CSMD2: variants seen among roughly 807,000 people sequenced by gnomAD.
CSMD2 encodes the protein CUB and Sushi multiple domains 2, also known as CUB and sushi domain-containing protein 2.
A neutral mutation model predicts 398.5 loss-of-function variants in CSMD2; 130 were observed. That is an observed-to-expected ratio of 0.33 (90% confidence interval 0.28 to 0.38). The LOEUF is 0.38. CSMD2 is among the 10% of genes least tolerant of loss of function. CSMD2 has a pLI of 1.00. For missense variants in CSMD2, 3,829 were observed against 4,764.9 expected, an observed-to-expected ratio of 0.80 and a Z score of 5.78; for synonymous variants, 1,828 against 1,908.5, an observed-to-expected ratio of 0.96 and a Z score of 1.10.
At chr1:33,886,979 T>G (rs550632765) in intron 5 of CSMD2, among the ~76,000 whole-genome samples, 2 of 152,118 alleles carry the variant, frequency 1.3e-5, no homozygotes, top group Non-Finnish European at 2.9e-5. Context: ...TCAGAGGTTT[T>G]TTTTTTTAAA....
At chr1:33,774,971 C>A (rs1030053216) in intron 12 of CSMD2, among the ~76,000 whole-genome samples, 3 of 152,124 alleles carry the variant, frequency 2.0e-5, no homozygotes, top group African/African-American at 7.2e-5. Context: ...AAGAAATGAA[C>A]AGACAAGGAA....
At chr1:33,792,894 C>G (rs757628819) in intron 10 of CSMD2, among the ~76,000 whole-genome samples, 1 of 152,250 alleles carries the variant, frequency 6.6e-6, no homozygotes, top group Non-Finnish European at 1.5e-5. Flanking sequence ...TGTGGAATCT[C>G]AGCTCTCTTG....
At chr1:34,034,529 T>C (rs1650873030) in intron 2 of CSMD2, among the ~76,000 whole-genome samples, 1 of 152,186 alleles carries the variant, frequency 6.6e-6, no homozygotes, top group Non-Finnish European at 1.5e-5. Context: ...CAGATAGATA[T>C]AAATAAAAGC....
chr1:34,151,178 G>A (rs1222310293), intron 1 of CSMD2, among the ~76,000 whole-genome samples: 1 of 152,160 alleles, frequency 6.6e-6, no homozygotes, highest in Non-Finnish European at 1.5e-5. Flanking sequence ...TGCTGTGCTT[G>A]GAGCTCCTTT....
chr1:33,998,916 T>C (rs528510), intron 3 of CSMD2, among the ~76,000 whole-genome samples: 3,825 of 152,228 alleles, frequency 0.025, 156 homozygotes, highest in African/African-American at 0.086. Context: ...CCCAGAGAGT[T>C]GATCCTCAAC....
At chr1:34,047,757 A>C (rs1436925396) in intron 2 of CSMD2, among the ~76,000 whole-genome samples, 1 of 152,186 alleles carries the variant, frequency 6.6e-6, no homozygotes, top group Non-Finnish European at 1.5e-5. Flanking sequence ...CAATCATCCA[A>C]AGGGCATGGC....
At chr1:34,000,485 T>G (rs1646866488) in intron 3 of CSMD2, among the ~76,000 whole-genome samples, 1 of 152,074 alleles carries the variant, frequency 6.6e-6, no homozygotes, top group African/African-American at 2.4e-5. Context: ...AGAGGACAAA[T>G]GGACCACAAA....
At chr1:33,957,277 G>A (rs760902435) in intron 3 of CSMD2, among the ~76,000 whole-genome samples, 5 of 152,180 alleles carry the variant, frequency 3.3e-5, no homozygotes, top group Non-Finnish European at 7.3e-5. Flanking sequence ...CTGGCAGAGA[G>A]CCATTGCTCA....
At chr1:33,735,217 C>T (rs1349959059) in intron 15 of CSMD2, among the ~76,000 whole-genome samples, 4 of 152,194 alleles carry the variant, frequency 2.6e-5, no homozygotes, top group Admixed American at 1.3e-4. Context: ...CTGGCTCCAT[C>T]ATTTACAAGC....
At chr1:33,694,277 T>C (rs1645342824) in intron 24 of CSMD2, among the ~76,000 whole-genome samples, 1 of 152,176 alleles carries the variant, frequency 6.6e-6, no homozygotes, top group African/African-American at 2.4e-5. Context: ...TGGCTGTTAA[T>C]GGGCATGGGT....
intron 32 of CSMD2, among the ~76,000 whole-genome samples, chr1:33,626,878 G>A (rs1642160286): frequency 6.6e-6 from 1 of 152,228 alleles, no homozygotes; most frequent in African/African-American, 2.4e-5. Flanking sequence ...AAGATTAAAT[G>A]ACCTGTGCCG....
At chr1:34,085,662 T>C (rs1476357346) in intron 2 of CSMD2, among the ~76,000 whole-genome samples, 4 of 152,198 alleles carry the variant, frequency 2.6e-5, no homozygotes, top group Non-Finnish European at 5.9e-5. Flanking sequence ...CATTTGAAAG[T>C]GAGATATGAA....
intron 5 of CSMD2, among the ~76,000 whole-genome samples, chr1:33,869,940 T>C (rs1213675751): frequency 1.3e-5 from 2 of 152,226 alleles, no homozygotes; most frequent in Non-Finnish European, 2.9e-5. Flanking sequence ...AATAAGTATA[T>C]TTATTTATTG....
At chr1:33,628,594 G>A (rs1195897421) in intron 32 of CSMD2, among the ~76,000 whole-genome samples, 2 of 151,436 alleles carry the variant, frequency 1.3e-5, no homozygotes, top group African/African-American at 4.9e-5. Flanking sequence ...TCTTGAGCCT[G>A]GGAGGCAGAG....
chr1:33,600,920 C>T lies in CSMD2; in HGVS notation c.6801G>A (p.Leu2267=), dbSNP rs895668475. 4.3e-6 allele frequency: 7 copies of T among 1,614,042 alleles called. No individual in the cohort carries two copies. Among genetic ancestry groups the T allele is most frequent in the Non-Finnish European group, 5.9e-6 (7 of 1,180,046 alleles). ...KTVQSSSNQV[L]LKFHRDAATG... ...TGGCTGCATCACGGTGGAACTTGAG[C>T]AGGACCTGGTTGGATGAACTCTGCA... Residue 2267 remains leucine (L), a synonymous_variant, in exon 44 of 71, where the codon CTG becomes CTA. Transcript: ENST00000373381.
intron 2 of CSMD2, among the ~76,000 whole-genome samples, chr1:34,082,444 A>G (rs919263290): frequency 6.9e-5 from 10 of 144,272 alleles, no homozygotes; most frequent in African/African-American, 1.3e-4. Flanking sequence ...CAGCCGCCCC[A>G]TCTGAGAGGT....
chr1:33,952,690 ACACACACACACATG>A (rs371532457), intron 3 of CSMD2, among the ~76,000 whole-genome samples: 4,661 of 146,532 alleles, frequency 0.032, 248 homozygotes, highest in African/African-American at 0.12. Flanking sequence ...ACACACACAC[ACACACACACACATG>A]CACACACACA....
chr1:34,110,094 A>C (rs1382682611), intron 1 of CSMD2, among the ~76,000 whole-genome samples: 1 of 152,022 alleles, frequency 6.6e-6, no homozygotes, highest in African/African-American at 2.4e-5. Context: ...ATATAAAAAA[A>C]GCTCAATATC....
intron 2 of CSMD2, among the ~76,000 whole-genome samples, chr1:34,056,525 GT>G (rs1558311232): frequency 6.6e-6 from 1 of 152,200 alleles, no homozygotes; most frequent in Non-Finnish European, 1.5e-5. Flanking sequence ...GTGACCTTGG[GT>G]AAGTTCTTTA....
Sources: gnomAD v4.1 joint callset for allele counts (sites outside exome capture counted in the v4.1 genomes callset) on GRCh38, gnomAD v4.1.1 for gene constraint, MANE v1.5 for transcripts, NCBI Gene and HGNC (gene_info 2026-07-23, HGNC 2026-07-21) for gene names.